Variants in ABLIM3 observed in about 807,000 individuals in gnomAD.
ABLIM3 encodes actin binding LIM protein family member 3, also known as actin-binding LIM protein 3.
ABLIM3 carries 61 observed loss-of-function variants against 109.5 expected under a neutral mutation model. The ratio of observed to expected loss-of-function variants is 0.56; its 90% CI spans 0.45 to 0.69. The LOEUF (loss-of-function observed/expected upper bound fraction) is 0.69, where lower values mean the gene tolerates loss of function less well. Ranked by LOEUF, ABLIM3 falls within the 30% of genes least tolerant of loss-of-function variation. The pLI is 0.00. For synonymous variants in ABLIM3, 300 were observed against 324.8 expected, an observed-to-expected ratio of 0.92 and a Z score of 0.82; for missense variants, 796 against 889.5, an observed-to-expected ratio of 0.89 and a Z score of 1.34.
At chr5:149,176,629 C>T (rs1045662121) in intron 2 of ABLIM3, among the ~76,000 whole-genome samples, 7 of 152,082 alleles carry the variant, frequency 4.6e-5, no homozygotes, top group Non-Finnish European at 8.8e-5. Context: ...TCTTGAGTTA[C>T]GAGGGCTCAA....
At chr5:149,247,442 T>A (rs751848580) in intron 17 of ABLIM3, among the ~76,000 whole-genome samples, 2 of 152,172 alleles carry the variant, frequency 1.3e-5, no homozygotes, top group Non-Finnish European at 2.9e-5. Flanking sequence ...ATGGTTAATT[T>A]GAAGTTAAGT....
intron 10 of ABLIM3, among the ~76,000 whole-genome samples, chr5:149,234,925 G>A (rs971773289): frequency 6.6e-6 from 1 of 152,234 alleles, no homozygotes; most frequent in African/African-American, 2.4e-5. Context: ...TGTGAAATAA[G>A]TTAAGCCCTG....
At chr5:149,206,037 G>A (rs1386493165) in intron 5 of ABLIM3, among the ~76,000 whole-genome samples, 18 of 152,218 alleles carry the variant, frequency 1.2e-4, no homozygotes, top group Non-Finnish European at 7.3e-5. Flanking sequence ...GAGCCAACAG[G>A]GAAGTTTGTC....
chr5:149,225,939 A>T (rs1761150021), intron 8 of ABLIM3, among the ~76,000 whole-genome samples: 1 of 141,846 alleles, frequency 7.0e-6, no homozygotes, highest in South Asian at 2.2e-4. Flanking sequence ...ATATATATAT[A>T]TGTATGTATG....
chr5:149,147,249 A>G (rs1448428741), intron 2 of ABLIM3, among the ~76,000 whole-genome samples: 1 of 152,116 alleles, frequency 6.6e-6, no homozygotes, highest in Non-Finnish European at 1.5e-5. Flanking sequence ...CTGAGACTTC[A>G]CTGAAGTCAT....
At chr5:149,231,886 A>T (rs1233805277) in intron 9 of ABLIM3, among the ~76,000 whole-genome samples, 1 of 152,228 alleles carries the variant, frequency 6.6e-6, no homozygotes, top group Non-Finnish European at 1.5e-5. Context: ...TGCCACGTGA[A>T]AACCAGTAAT....
intron 23 of ABLIM3, 25 bp from the exon 24 acceptor site, chr5:149,258,265 AC>A: frequency 1.4e-6 from 2 of 1,454,582 alleles, no homozygotes; most frequent in Non-Finnish European, 1.9e-6. Context: ...CTGTCCCCCC[AC>A]CCCCGCCTGC....
At chr5:149,201,198 C>G (rs1249041327) in intron 5 of ABLIM3, among the ~76,000 whole-genome samples, 1 of 133,842 alleles carries the variant, frequency 7.5e-6, no homozygotes, top group Non-Finnish European at 1.7e-5. Flanking sequence ...ATCTAAATCA[C>G]TGTTCCCAGA....
Position 149,216,939 on chromosome 5 carries a change from T to G in ABLIM3, c.670-20T>G, listed in dbSNP as rs200284861. ...GCAGCCCTGGCTCTGACCTCCTGTT[T>G]CATCTTTTCATTTCCATAGGCAGGA... On this transcript the variant is annotated intron_variant, in intron 7 of 23. Transcript: ENST00000309868. The G allele has an allele frequency of 1.5e-5, 24 of 1,612,168 alleles. No homozygotes were observed. In the East Asian group the frequency reaches 4.7e-4, roughly 31 times the overall value.
At chr5:149,239,729 C>A in intron 12 of ABLIM3, 30 bp from the exon 13 acceptor site, 2 of 1,561,238 alleles carry the variant, frequency 1.3e-6, no homozygotes, top group Non-Finnish European at 1.7e-6. Flanking sequence ...TAACAGCCAG[C>A]CATGCTCACA....
At chr5:149,247,366 G>C (rs537019362) in intron 17 of ABLIM3, among the ~76,000 whole-genome samples, 2 of 152,188 alleles carry the variant, frequency 1.3e-5, no homozygotes, top group African/African-American at 4.8e-5. Context: ...ATTTTGAAAC[G>C]AGATAGAGGT....
At chr5:149,246,450 T>C (rs1484654504) in intron 16 of ABLIM3, 32 bp from the exon 17 acceptor site, 1 of 1,612,736 alleles carries the variant, frequency 6.2e-7, no homozygotes, top group East Asian at 2.2e-5. Context: ...GGGGTGCACA[T>C]GCCGGAGCTG....
rs1416813925 is a variant in ABLIM3, at chr5:149,141,540, C to A, written c.-202C>A. 6.5e-6 allele frequency: 1 copy of A among 153,472 alleles called. No homozygotes were observed. The highest frequency in any genetic ancestry group is 1.5e-5 in the Non-Finnish European group (1 of 68,734). The allele number at this position is 153,472 out of a possible 1,614,324, so 9.5% of individuals were successfully genotyped here. On this transcript the variant is annotated 5_prime_UTR_variant, in exon 1 of 24. Transcript: ENST00000309868. ...GAGCCCGCATCATGGATGTCGAGCT[C>A]CCCTATTTCGCATTGCTAGCCCTGG...
intron 6 of ABLIM3, among the ~76,000 whole-genome samples, chr5:149,209,931 A>G (rs1759375467): frequency 6.6e-6 from 1 of 152,190 alleles, no homozygotes; most frequent in African/African-American, 2.4e-5. Context: ...CCTCTCCTTT[A>G]GGTCTCTCAG....
intron 2 of ABLIM3, among the ~76,000 whole-genome samples, chr5:149,143,247 C>T (rs1752645720): frequency 6.6e-6 from 1 of 151,866 alleles, no homozygotes; most frequent in South Asian, 2.1e-4. Flanking sequence ...CCTGTAATCC[C>T]AGCTACTCAA....
chr5:149,227,070 CA>C (rs70973514), intron 8 of ABLIM3, among the ~76,000 whole-genome samples: 3,449 of 96,032 alleles, frequency 0.036, 30 homozygotes, highest in African/African-American at 0.092. Flanking sequence ...AACTCCATCT[CA>C]AAAAAAAAAA....
chr5:149,175,687 G>A (rs918226323), intron 2 of ABLIM3, among the ~76,000 whole-genome samples: 2 of 152,166 alleles, frequency 1.3e-5, no homozygotes, highest in African/African-American at 4.8e-5. Flanking sequence ...TGAAATATAA[G>A]AAATAAAGAA....
In ABLIM3 at chr5:149,148,381, A is replaced by C. The variant is rs565957795; in HGVS notation, c.13+6273A>C. 5.9e-5 allele frequency among the ~76,000 whole-genome samples: 9 copies of C among 152,284 alleles called. No homozygotes were observed. The East Asian group carries it at 1.5e-3, about 26-fold the overall frequency. Reference sequence around the variant, plus strand: ...CCCAGGCTTGGAAAGGCCTGGGCTCATACTGAGTCAGTACACTCGCTTCGC... The same window carrying C: ...CCCAGGCTTGGAAAGGCCTGGGCTCCTACTGAGTCAGTACACTCGCTTCGC... On this transcript the variant is annotated intron_variant, in intron 2 of 23. Transcript: ENST00000309868.
At chr5:149,246,256 C>A (rs1188367168) in intron 16 of ABLIM3, among the ~76,000 whole-genome samples, 1 of 152,088 alleles carries the variant, frequency 6.6e-6, no homozygotes, top group Non-Finnish European at 1.5e-5. Flanking sequence ...CGACTATAAC[C>A]AAGTGGGCAG....
Sources: gnomAD v4.1 joint callset for allele counts (sites outside exome capture counted in the v4.1 genomes callset) on GRCh38, gnomAD v4.1.1 for gene constraint, MANE v1.5 for transcripts, NCBI Gene and HGNC (gene_info 2026-07-23, HGNC 2026-07-21) for gene names.